The following MRPL28 variants were observed in gnomAD, a reference collection of about 807,000 sequenced individuals.
MRPL28 encodes the protein mitochondrial ribosomal protein L28.
Under a neutral mutation model 26.2 loss-of-function variants are expected in MRPL28, and 25 were observed. The ratio of observed to expected loss-of-function variants is 0.95; its 90% CI spans 0.69 to 1.33. The LOEUF is 1.33. MRPL28 is among the 40% of genes most tolerant of loss of function. The pLI, the probability that MRPL28 is intolerant of heterozygous loss-of-function variation, is 0.00. For missense variants in MRPL28, 432 were observed against 327.2 expected (o/e 1.32, Z -2.47); for synonymous variants, 227 against 140.1 (o/e 1.62, Z -4.38).
At chr16:368,815 T>C (rs919814374) in intron 3 of MRPL28, 180 bp from the exon 4 acceptor site, 3 of 1,107,174 alleles carry the variant, frequency 2.7e-6, no homozygotes, top group African/African-American at 3.2e-5. Context: ...CAAGTCCAAG[T>C]GCAGGGAAAG....
chr16:369,986 C>G lies in MRPL28; in HGVS notation c.233G>C (p.Gly78Ala). 1 of 1,612,978 alleles carries G rather than the reference C, an allele frequency of 6.2e-7. No individual in the cohort carries two copies. The highest frequency in any genetic ancestry group is 8.5e-7 in the Non-Finnish European group (1 of 1,179,856). The change falls in exon 2 of 6, where the codon GGG (glycine) becomes GCG (alanine). Residue 78 changes from glycine (G) to alanine (A), a missense_variant. Physicochemically the swap from Gly to Ala is moderately conservative, Grantham distance 60. Transcript: ENST00000199706. ...GATCCAGCCCTCGCCGCCCCACAAC[C>G]CCCGCTGGGATTCGGGGGGAAAGTA... ...PIYFPPESQR[G>A]LWGGEGWILG... is the part of the protein sequence containing the mutation.
chr16:369,556 G>C, intron 2 of MRPL28: 3 of 709,862 alleles, frequency 4.2e-6, no homozygotes, highest in South Asian at 1.5e-5. Flanking sequence ...CTCCCCACAG[G>C]CTTCAGCAGT....
chr16:369,624 T>A (rs2054299740), intron 2 of MRPL28: 1 of 718,704 alleles, frequency 1.4e-6, no homozygotes, highest in Admixed American at 2.0e-5. Flanking sequence ...CCCCACCTGC[T>A]CTGCTCGCCT....
chr16:367,967 G>C (rs1433213237), intron 5 of MRPL28, among the ~76,000 whole-genome samples, 185 bp from the exon 6 acceptor site: 2 of 152,222 alleles, frequency 1.3e-5, no homozygotes, highest in Non-Finnish European at 1.5e-5. Flanking sequence ...ACATACCCCT[G>C]TCCCATCCCT....
chr16:369,688 C>T (rs1052545712), intron 2 of MRPL28: 6 of 697,678 alleles, frequency 8.6e-6, no homozygotes, highest in Middle Eastern at 2.3e-4. Flanking sequence ...AACTTTACCC[C>T]GACTCCCCAC....
Position 367,523 on chromosome 16 carries a change from C to G in MRPL28, c.*152G>C. 1 of 770,896 alleles carries G rather than the reference C, an allele frequency of 1.3e-6. No homozygotes were observed. The highest frequency in any genetic ancestry group is 2.3e-6 in the Non-Finnish European group (1 of 440,338). The allele number at this position is 770,896 out of a possible 1,614,324, so 47.8% of individuals were successfully genotyped here. A position where few individuals can be genotyped will look rare whatever the true frequency, so the allele number is the denominator to read the frequency against. On this transcript the variant is annotated 3_prime_UTR_variant, in exon 6 of 6. Coordinates refer to ENST00000199706, the MANE Select transcript of MRPL28 (RefSeq NM_006428.5). The stretch of plus-strand genomic sequence containing the variant: ...CCTGGGGATCCCTGCCAAGCTGGCC[C>G]CGGGCTGGAAGGTGCATGGGCAGCA...
At position 367,333 on chromosome 16, in the gene MRPL28, G is replaced by A. The variant is rs922241793; in HGVS notation, c.*342C>T. The A allele has an allele frequency of 4.8e-6, 3 of 630,738 alleles. No individual in the cohort carries two copies. The highest frequency in any genetic ancestry group is 5.5e-5 in the East Asian group (2 of 36,190). 39.1% of individuals were successfully genotyped at this position (630,738 alleles called of 1,614,324 possible). On this transcript the variant is annotated 3_prime_UTR_variant, in exon 6 of 6. Transcript: ENST00000199706. ...GAGGTCTCAGGGGCAGCAAGGGCAG[G>A]GGTGACAGGATCAGGATCCCCAAAG...
chr16:369,828 C>T, intron 2 of MRPL28, 103 bp downstream of exon 2: 4 of 1,425,422 alleles, frequency 2.8e-6, no homozygotes, highest in Non-Finnish European at 3.8e-6. Flanking sequence ...AGGCTGTAAT[C>T]CCCAGGGCCC....
In MRPL28 at chr16:369,188, T is replaced by G; in HGVS notation, c.321A>C (p.Pro107=). ...LSKRLKKVWK[P]QLFEREFYSE... is the part of the protein sequence containing the mutation. ...TGTAGAACTCTCGCTCAAACAGCTG[T>G]GGCTTCCACACTTTCTTCAGCCTCT... Residue 107 remains proline (P), a synonymous_variant, in exon 3 of 6, where the codon CCA becomes CCC. Coordinates refer to ENST00000199706, the MANE Select transcript of MRPL28 (RefSeq NM_006428.5). 6.2e-7 allele frequency: 1 copy of G among 1,614,032 alleles called. No individual in the cohort carries two copies.
At chr16:368,913 C>T (rs993755581) in intron 3 of MRPL28, 155 bp downstream of exon 3, 34 of 1,107,172 alleles carry the variant, frequency 3.1e-5, no homozygotes, top group Non-Finnish European at 4.0e-5. Context: ...CCCACTGGTG[C>T]TGGCCAGAAA....
rs2054269060 is a variant in MRPL28 at position 367,425 on chromosome 16, C to G, written c.*250G>C. The G allele has an allele frequency of 1.4e-6, 1 of 713,132 alleles. No homozygotes were observed. Among genetic ancestry groups the G allele is most frequent in the African/African-American group, 1.7e-5 (1 of 57,204 alleles). 44.2% of individuals were successfully genotyped at this position (713,132 alleles called of 1,614,324 possible). On this transcript the variant is annotated 3_prime_UTR_variant, in exon 6 of 6. Coordinates refer to ENST00000199706, the MANE Select transcript of MRPL28 (RefSeq NM_006428.5). ...GGCCCAGACTTTACTCGCTCCCGGC[C>G]CCACGGGCACAAGGAACACTGCCGC...
At chr16:369,677 T>G in intron 2 of MRPL28, 1 of 690,228 alleles carries the variant, frequency 1.4e-6, no homozygotes, top group Non-Finnish European at 2.6e-6. Flanking sequence ...CTCCCCATCC[T>G]AACTTTACCC....
intron 3 of MRPL28, 118 bp from the exon 4 acceptor site, chr16:368,753 C>T (rs371039867): frequency 2.5e-5 from 36 of 1,445,320 alleles, no homozygotes; most frequent in Non-Finnish European, 2.8e-5. Flanking sequence ...AGAGAAGGCC[C>T]GGGTGGGGCC....
chr16:367,517 C>A lies in MRPL28; in HGVS notation c.*158G>T. ...AGGCCTCCTGGGGATCCCTGCCAAGCTGGCCCCGGGCTGGAAGGTGCATGG... is the reference window on the plus strand; with the variant it reads ...AGGCCTCCTGGGGATCCCTGCCAAGATGGCCCCGGGCTGGAAGGTGCATGG... On this transcript the variant is annotated 3_prime_UTR_variant, in exon 6 of 6. Coordinates refer to ENST00000199706, the MANE Select transcript of MRPL28 (RefSeq NM_006428.5). 1 of 754,664 alleles carries A rather than the reference C, an allele frequency of 1.3e-6. No individual in the cohort carries two copies. Among genetic ancestry groups the A allele is most frequent in the South Asian group, 1.5e-5 (1 of 67,382 alleles). The allele number at this position is 754,664 out of a possible 1,614,324, so 46.7% of individuals were successfully genotyped here.
Position 367,709 on chromosome 16 carries a change from G to T in MRPL28, c.737C>A (p.Pro246Gln). The T allele has an allele frequency of 2.5e-6, 4 of 1,613,860 alleles. No individual in the cohort carries two copies. Among genetic ancestry groups the T allele is most frequent in the Non-Finnish European group, 3.4e-6 (4 of 1,180,020 alleles). The change falls in exon 6 of 6, where the codon CCG (proline) becomes CAG (glutamine). Residue 246 changes from proline (P) to glutamine (Q), a missense_variant. Pro to Gln is a moderately conservative substitution (Grantham distance 76). Coordinates refer to ENST00000199706, the MANE Select transcript of MRPL28 (RefSeq NM_006428.5). ...QQLQQQALSE[P>Q]AVVQKRASGQ is the part of the protein sequence containing the mutation. ...ACTGGCTCTCTTCTGCACCACCGCCGGCTCTGACAGTGCCTGCTGCTGCAG... is the reference window on the plus strand; with the variant it reads ...ACTGGCTCTCTTCTGCACCACCGCCTGCTCTGACAGTGCCTGCTGCTGCAG...
intron 3 of MRPL28, 93 bp downstream of exon 3, chr16:368,975 G>C: frequency 2.1e-6 from 3 of 1,447,292 alleles, no homozygotes; most frequent in Non-Finnish European, 2.8e-6. Flanking sequence ...GCAGATGTCA[G>C]CGTGCCCCGG....
At position 367,072 on chromosome 16, in the gene MRPL28, C is replaced by CG. The variant is rs1230918874; in HGVS notation, c.*602dup. 2.6e-5 allele frequency among the ~76,000 whole-genome samples: 4 copies of CG among 152,036 alleles called. No homozygotes were observed. Among genetic ancestry groups the CG allele is most frequent in the Non-Finnish European group, 4.4e-5 (3 of 67,988 alleles). On this transcript the variant is annotated 3_prime_UTR_variant, in exon 6 of 6. Coordinates refer to ENST00000199706, the MANE Select transcript of MRPL28 (RefSeq NM_006428.5). ...AAATACAATTAGCCATACATGATAG[C>CG]GGGGTGCCTGTAATCCCAGCTACTC...
At position 369,957 on chromosome 16, in the gene MRPL28, C is replaced by T. The variant is rs368739271; in HGVS notation, c.262G>A (p.Gly88Ser). The stretch of plus-strand genomic sequence containing the variant: ...TTGTCGTTGTTGGCATATATTTGGC[C>T]CAGGATCCAGCCCTCGCCGCCCCAC... ...GLWGGEGWIL[G>S]QIYANNDKLS... The change falls in exon 2 of 6, where the codon GGC (glycine) becomes AGC (serine). Residue 88 changes from glycine to serine, a missense_variant. Transcript: ENST00000199706. The T allele has an allele frequency of 4.2e-5, 67 of 1,611,856 alleles. No individual in the cohort carries two copies. In the African/African-American group the frequency reaches 7.1e-4, roughly 17 times the overall value.
chr16:369,889 C>T lies in MRPL28; in HGVS notation c.288+42G>A, dbSNP rs200204987. The T allele has an allele frequency of 9.5e-6, 15 of 1,576,824 alleles. No homozygotes were observed. In the Admixed American group the frequency reaches 1.2e-4, roughly 13 times the overall value. On this transcript the variant is annotated intron_variant, in intron 2 of 5. Transcript: ENST00000199706. ...GCGTCCGGCACAGAGCCGGCACAGC[C>T]AAGCCCTGAGAGGAGCCCCTGAAGG...
Sources: allele counts gnomAD v4.1 joint callset (sites outside exome capture counted in the v4.1 genomes callset), GRCh38; gene constraint gnomAD v4.1.1; transcripts MANE v1.5; gene names NCBI Gene and HGNC (gene_info 2026-07-23, HGNC 2026-07-21).